The following CORIN variants were observed in gnomAD, a reference collection of about 807,000 sequenced individuals.
The protein encoded by CORIN is corin, serine peptidase, also known as atrial natriuretic peptide-converting enzyme.
A neutral mutation model predicts 125.3 loss-of-function variants in CORIN; 117 were observed. The ratio of observed to expected loss-of-function variants is 0.93; its 90% CI spans 0.80 to 1.09. CORIN has a LOEUF of 1.09. Among genes scored for constraint, CORIN ranks in the 50% least tolerant of loss-of-function variants. The pLI is 0.00. For missense variants in CORIN, 1,253 were observed against 1,306.7 expected (o/e 0.96, Z 0.63); for synonymous variants, 450 against 466.4 (o/e 0.96, Z 0.45).
intron 5 of CORIN, among the ~76,000 whole-genome samples, chr4:47,696,723 A>G (rs1026282440): frequency 1.3e-5 from 2 of 152,190 alleles, no homozygotes; most frequent in Non-Finnish European, 2.9e-5. Context: ...CCAAAGGATG[A>G]TCAGCTCTTT....
chr4:47,663,086 A>G (rs1277984099), intron 11 of CORIN, among the ~76,000 whole-genome samples: 1 of 152,182 alleles, frequency 6.6e-6, no homozygotes, highest in Admixed American at 6.5e-5. Context: ...TGTACAAAAG[A>G]CTATATAGTG....
In CORIN at chr4:47,623,697, C is replaced by T; in HGVS notation, c.2414G>A (p.Gly805Asp). 1.2e-6 allele frequency: 2 copies of T among 1,614,234 alleles called. No individual in the cohort carries two copies. The highest frequency in any genetic ancestry group is 1.7e-6 in the Non-Finnish European group (2 of 1,180,030). Residue 805 changes from glycine to aspartate, a missense_variant, in exon 19 of 22, where the codon GGT (glycine) becomes GAT (aspartate). Gly to Asp is a moderately conservative substitution (Grantham distance 94). Coordinates refer to ENST00000273857, the MANE Select transcript of CORIN (RefSeq NM_006587.4). ...CCACCTTCCAGGGCGACTCGTCCGA[C>T]CTCCAAGGATCCTTTTGTTCATTCG... ...AARMNKRILG[G>D]RTSRPGRWPW...
At chr4:47,734,703 GGT>G (rs1383978016) in intron 5 of CORIN, among the ~76,000 whole-genome samples, 17 of 152,134 alleles carry the variant, frequency 1.1e-4, no homozygotes, top group African/African-American at 4.1e-4. Context: ...CCTGGACCAC[GGT>G]TTCTCAAAAG....
chr4:47,748,868 A>C (rs936548917), intron 4 of CORIN, among the ~76,000 whole-genome samples: 2 of 152,190 alleles, frequency 1.3e-5, no homozygotes, highest in Admixed American at 6.5e-5. Flanking sequence ...AATAGTACAG[A>C]AAATTTCCAT....
chr4:47,716,603 G>A (rs1329303656), intron 5 of CORIN, among the ~76,000 whole-genome samples: 1 of 151,934 alleles, frequency 6.6e-6, no homozygotes, highest in South Asian at 2.1e-4. Context: ...ATTATATAAC[G>A]ATCCAATACA....
At chr4:47,677,211 G>C (rs1725062266) in intron 9 of CORIN, among the ~76,000 whole-genome samples, 1 of 152,152 alleles carries the variant, frequency 6.6e-6, no homozygotes, top group South Asian at 2.1e-4. Context: ...CGCAAACTGA[G>C]ACCTAAAAGG....
intron 17 of CORIN, 134 bp downstream of exon 17, chr4:47,626,271 T>A (rs776036849): frequency 1.6e-6 from 1 of 640,394 alleles, no homozygotes; most frequent in African/African-American, 1.8e-5. Flanking sequence ...GTAAAGGCAA[T>A]AGTAAATCTA....
chr4:47,626,956 A>G (rs1289026591), intron 16 of CORIN, among the ~76,000 whole-genome samples: 4 of 151,718 alleles, frequency 2.6e-5, no homozygotes, highest in Non-Finnish European at 5.9e-5. Context: ...GAATTGTAAT[A>G]TTTCTATGTT....
chr4:47,831,447 T>C (rs1428114773), intron 1 of CORIN: 1 of 152,252 alleles, frequency 6.6e-6, no homozygotes, highest in African/African-American at 2.4e-5. Context: ...GGGTGGAGAC[T>C]GAAGACAGAA....
chr4:47,815,541 T>A (rs911826362), intron 1 of CORIN, among the ~76,000 whole-genome samples: 1 of 152,172 alleles, frequency 6.6e-6, no homozygotes, highest in Non-Finnish European at 1.5e-5. Flanking sequence ...ACAAGATAGA[T>A]AAATAGGATC....
At chr4:47,660,713 C>T (rs941780879) in intron 12 of CORIN, among the ~76,000 whole-genome samples, 1 of 152,150 alleles carries the variant, frequency 6.6e-6, no homozygotes, top group Non-Finnish European at 1.5e-5. Context: ...AGGGGATCCT[C>T]ACCCACTATT....
chr4:47,634,110 G>T (rs1722938602), intron 16 of CORIN, among the ~76,000 whole-genome samples: 1 of 152,196 alleles, frequency 6.6e-6, no homozygotes, highest in Non-Finnish European at 1.5e-5. Flanking sequence ...TTACTAAAGA[G>T]ATGTGGATGG....
chr4:47,696,956 T>C (rs945780522), intron 5 of CORIN, among the ~76,000 whole-genome samples: 1 of 152,154 alleles, frequency 6.6e-6, no homozygotes, highest in African/African-American at 2.4e-5. Context: ...ACTTGCCCTG[T>C]CTTTGAGTCC....
At chr4:47,656,307 C>A (rs1419226802) in intron 12 of CORIN, among the ~76,000 whole-genome samples, 1 of 152,032 alleles carries the variant, frequency 6.6e-6, no homozygotes, top group Non-Finnish European at 1.5e-5. Context: ...AGGCGCCTGC[C>A]ACCATGCCCA....
At chr4:47,726,424 C>T (rs1184317510) in intron 5 of CORIN, among the ~76,000 whole-genome samples, 3 of 151,908 alleles carry the variant, frequency 2.0e-5, no homozygotes, top group Admixed American at 2.0e-4. Flanking sequence ...AAGGCATTAT[C>T]GTAAGTGAAA....
intron 1 of CORIN, among the ~76,000 whole-genome samples, chr4:47,810,003 C>G (rs1180289305): frequency 1.3e-5 from 2 of 152,218 alleles, no homozygotes; most frequent in Admixed American, 6.5e-5. Context: ...CCCTCTTCCA[C>G]AAGCACCTTC....
At chr4:47,805,824 G>T (rs1731769989) in intron 2 of CORIN, among the ~76,000 whole-genome samples, 2 of 152,088 alleles carry the variant, frequency 1.3e-5, no homozygotes, top group Admixed American at 1.3e-4. Context: ...ATAATAGGGA[G>T]GTTTGGCAAA....
In CORIN at chr4:47,806,928, C is replaced by T; in HGVS notation, c.183G>A (p.Leu61=). 1.2e-6 allele frequency: 2 copies of T among 1,613,040 alleles called. No homozygotes were observed. Among genetic ancestry groups the T allele is most frequent in the Admixed American group, 3.3e-5 (2 of 59,776 alleles). ...LIPCICALVL[L]LVILLSYVGT... Reference sequence around the variant, plus strand: ...CAACATAGGAAAGCAGGATCACCAGCAAGAGAACGAGAGCACAGATACATG... The same window carrying T: ...CAACATAGGAAAGCAGGATCACCAGTAAGAGAACGAGAGCACAGATACATG... The change falls in exon 2 of 22, where the codon TTG becomes TTA. Residue 61 remains leucine (L), a synonymous_variant. Coordinates refer to ENST00000273857, the MANE Select transcript of CORIN (RefSeq NM_006587.4).
chr4:47,611,257 C>G (rs1249875846), intron 19 of CORIN, among the ~76,000 whole-genome samples: 1 of 152,010 alleles, frequency 6.6e-6, no homozygotes, highest in Non-Finnish European at 1.5e-5. Flanking sequence ...TGTTTGTGTC[C>G]TCTCTGATTT....
Sources: allele counts gnomAD v4.1 joint callset (sites outside exome capture counted in the v4.1 genomes callset), GRCh38; gene constraint gnomAD v4.1.1; transcripts MANE v1.5; gene names NCBI Gene and HGNC (gene_info 2026-07-23, HGNC 2026-07-21).